Variants in SNAPC4 observed in about 807,000 individuals in gnomAD.
The protein encoded by SNAPC4 is snRNA-activating protein complex subunit 4.
Under a neutral mutation model 151.3 loss-of-function variants are expected in SNAPC4, and 127 were observed. That is an observed-to-expected ratio of 0.84 (90% CI 0.73 to 0.97). The LOEUF (loss-of-function observed/expected upper bound fraction) is 0.97. Ranked by LOEUF, SNAPC4 falls within the 50% of genes least tolerant of loss-of-function variation. The pLI, the probability that SNAPC4 is intolerant of heterozygous loss-of-function variation, is 0.00. For synonymous variants in SNAPC4, 1,002 were observed against 824.4 expected (o/e 1.22, Z -3.69); for missense variants, 2,186 against 1,935.0 (o/e 1.13, Z -2.43).
Position 136,395,691 on chromosome 9 carries a change from C to T in SNAPC4, c.257G>A (p.Cys86Tyr), listed in dbSNP as rs1834243723. 1.2e-6 allele frequency: 2 copies of T among 1,613,460 alleles called. No homozygotes were observed. The highest frequency in any genetic ancestry group is 2.2e-5 in the East Asian group (1 of 44,886). ...DKTLPEDPET[C>Y]LQLNMVYQEV... The stretch of plus-strand genomic sequence containing the variant: ...CTGGTAGACCATGTTCAGCTGCAGG[C>T]AGGTTTCTGGGTCTTCAGGGAGGGT... The change falls in exon 4 of 24, where the codon TGC (cysteine) becomes TAC (tyrosine). Residue 86 changes from cysteine (C) to tyrosine (Y), a missense_variant. Physicochemically the swap from Cys to Tyr is radical, Grantham distance 194. Coordinates refer to ENST00000684778, the MANE Select transcript of SNAPC4 (RefSeq NM_003086.4).
chr9:136,387,344 G>A (rs1833923273), intron 13 of SNAPC4, 141 bp downstream of exon 13: 2 of 708,442 alleles, frequency 2.8e-6, no homozygotes, highest in East Asian at 2.5e-5. Flanking sequence ...ACACCAGAGT[G>A]CACCTGGTCA....
rs76247268 is a variant in SNAPC4 at position 136,378,206 on chromosome 9, T to G, written c.3621A>C (p.Pro1207=). 1 of 1,612,142 alleles carries G rather than the reference T, an allele frequency of 6.2e-7. No individual in the cohort carries two copies. The stretch of plus-strand genomic sequence containing the variant: ...TTGCTGGGATGACACCACCGAAGGC[T>G]GGCAGCCTCCCGGACCAAGGGGGTT... ...EAEPPWSGRL[P]AFGGVIPATE... Residue 1207 remains proline (P), a synonymous_variant, in exon 22 of 24, where the codon CCA becomes CCC. Coordinates refer to ENST00000684778, the MANE Select transcript of SNAPC4 (RefSeq NM_003086.4).
At chr9:136,392,422 G>T in intron 9 of SNAPC4, 100 bp downstream of exon 9, 1 of 1,186,136 alleles carries the variant, frequency 8.4e-7, no homozygotes, top group Non-Finnish European at 1.2e-6. Flanking sequence ...AGAACCTGTT[G>T]CCAGGGAGGG....
rs1429032838 is a variant in SNAPC4 at position 136,377,908 on chromosome 9, C to T, written c.3919G>A (p.Ala1307Thr). The T allele has an allele frequency of 3.1e-6, 5 of 1,610,972 alleles. No homozygotes were observed. In the East Asian group the frequency reaches 8.9e-5, roughly 29 times the overall value. The part of the protein sequence containing the change: ...LGSRLPYQPP[A>T]LCSLRALSGL... ...GACAGAGCTCGCAGGCTGCACAGGG[C>T]TGGGGGCTGATAGGGCAGTCTGCTG... The change falls in exon 22 of 24, where the codon GCC (alanine) becomes ACC (threonine). Residue 1307 changes from alanine (A) to threonine (T), a missense_variant. Ala to Thr is a moderately conservative substitution (Grantham distance 58). Transcript: ENST00000684778.
rs1833785117 is a variant in SNAPC4 at position 136,383,582 on chromosome 9, G to A, written c.1587C>T (p.Gly529=). The change falls in exon 16 of 24, where the codon GGC becomes GGT. Residue 529 remains glycine (G), a synonymous_variant. Transcript: ENST00000684778. The surrounding 1 kb of genome is among the most constrained non-coding windows in gnomAD (Gnocchi z 4.2). ...TGCTGCTGCTGCTCCCTCCACTGCT[G>A]CCACTGCTGCTGCCGCTGCTGCTGG... ...SSTSSSGSSS[G]SSGGSSSSSS... is the part of the protein sequence containing the mutation. 6.2e-7 allele frequency: 1 copy of A among 1,609,582 alleles called. No homozygotes were observed. Among genetic ancestry groups the A allele is most frequent in the East Asian group, 2.2e-5 (1 of 44,830 alleles).
Position 136,378,079 on chromosome 9 carries a change from C to G in SNAPC4, c.3748G>C (p.Gly1250Arg), listed in dbSNP as rs1445159296. Residue 1250 changes from glycine to arginine, a missense_variant, in exon 22 of 24, where the codon GGG (glycine) becomes CGG (arginine). Physicochemically the swap from Gly to Arg is moderately radical, Grantham distance 125. Coordinates refer to ENST00000684778, the MANE Select transcript of SNAPC4 (RefSeq NM_003086.4). ...LPLRQPGPEK[G>R]ALDLEKPPLP... The stretch of plus-strand genomic sequence containing the variant: ...GGCGGCTTCTCCAGGTCCAGGGCCC[C>G]CTTCTCAGGCCCAGGCTGGCGCAGG... 2 of 1,580,676 alleles carry G rather than the reference C, an allele frequency of 1.3e-6. No homozygotes were observed. The highest frequency in any genetic ancestry group is 2.7e-5 in the African/African-American group (2 of 74,068).
chr9:136,376,865 C>G (rs1833465232), intron 22 of SNAPC4, among the ~76,000 whole-genome samples: 1 of 152,184 alleles, frequency 6.6e-6, no homozygotes, highest in South Asian at 2.1e-4. Flanking sequence ...GAGACACAAC[C>G]CTGGGGAGAG....
Position 136,383,254 on chromosome 9 carries a change from G to C in SNAPC4, c.1915C>G (p.Pro639Ala). Residue 639 changes from proline to alanine, a missense_variant, in exon 16 of 24, where the codon CCG (proline) becomes GCG (alanine). By Grantham distance (27) the Pro-to-Ala change is conservative. Transcript: ENST00000684778. This position sits in a 1 kb window ranked among gnomAD's most constrained non-coding sequence, Gnocchi z 4.2. Reference sequence around the variant, plus strand: ...GAGTGGGAGGCCTGGGCAGACCTCGGGACAGGGCCGTGGGCCCTGGCAGGG... The same window carrying C: ...GAGTGGGAGGCCTGGGCAGACCTCGCGACAGGGCCGTGGGCCCTGGCAGGG... ...QVPARAHGPV[P>A]RSAQASHSAD... 1 of 1,607,026 alleles carries C rather than the reference G, an allele frequency of 6.2e-7. No individual in the cohort carries two copies. Among genetic ancestry groups the C allele is most frequent in the Non-Finnish European group, 8.5e-7 (1 of 1,177,050 alleles).
Position 136,383,978 on chromosome 9 carries a change from A to G in SNAPC4, c.1475T>C (p.Leu492Pro). 6.2e-7 allele frequency: 1 copy of G among 1,613,736 alleles called. No individual in the cohort carries two copies. The highest frequency in any genetic ancestry group is 8.5e-7 in the Non-Finnish European group (1 of 1,179,954). Residue 492 changes from leucine (L) to proline (P), a missense_variant, in exon 15 of 24, where the codon CTG (leucine) becomes CCG (proline). Leu to Pro is a moderately conservative substitution (Grantham distance 98). Transcript: ENST00000684778. This position sits in a 1 kb window ranked among gnomAD's most constrained non-coding sequence, Gnocchi z 4.2. ...ELPHRSGSQC[L>P]SKWKIMMGKK... ...CCCCATCATGATCTTCCACTTGCTCAGACACTGGGAGCCAGACCGATGGGG... is the reference window on the plus strand; with the variant it reads ...CCCCATCATGATCTTCCACTTGCTCGGACACTGGGAGCCAGACCGATGGGG...
rs1834338995 is a variant in SNAPC4, at chr9:136,398,149, G to A, written c.130+150C>T. On this transcript the variant is annotated intron_variant, in intron 2 of 23. Coordinates refer to ENST00000684778, the MANE Select transcript of SNAPC4 (RefSeq NM_003086.4). ...ACATGAACTCCTGGGATCAAACAATGCTCTCACCTCAGCCTCAGGAGTCCC... is the reference window on the plus strand; with the variant it reads ...ACATGAACTCCTGGGATCAAACAATACTCTCACCTCAGCCTCAGGAGTCCC... 6 of 661,824 alleles carry A rather than the reference G, an allele frequency of 9.1e-6. No individual in the cohort carries two copies. The Admixed American group carries it at 1.8e-4, about 20-fold the overall frequency. The allele number at this position is 661,824 out of a possible 1,614,324, so 41.0% of individuals were successfully genotyped here. A position where few individuals can be genotyped will look rare whatever the true frequency, so the allele number is the denominator to read the frequency against.
In SNAPC4 at chr9:136,379,017, G is replaced by C; in HGVS notation, c.2810C>G (p.Pro937Arg). 1 of 1,604,374 alleles carries C rather than the reference G, an allele frequency of 6.2e-7. No homozygotes were observed. Among genetic ancestry groups the C allele is most frequent in the Non-Finnish European group, 8.5e-7 (1 of 1,176,478 alleles). The change falls in exon 22 of 24, where the codon CCA becomes CGA. Residue 937 changes from proline to arginine, a missense_variant. Pro to Arg is a moderately radical substitution (Grantham distance 103, BLOSUM62 -2). Transcript: ENST00000684778. ...GGGACCCGGGGCTGGGCGGCCGTGT[G>C]GGGTGTGTGGTAGAGGGGGCTGGAG... is the stretch of plus-strand genomic sequence containing the variant. ...VILQPPLPHT[P>R]HGRPAPGPTV... is the part of the protein sequence containing the mutation.
chr9:136,379,307 G>A lies in SNAPC4; in HGVS notation c.2528-8C>T, dbSNP rs754563945. On this transcript the variant is annotated splice_region_variant and splice_polypyrimidine_tract_variant and intron_variant, in intron 21 of 23. Coordinates refer to ENST00000684778, the MANE Select transcript of SNAPC4 (RefSeq NM_003086.4). ...CGTTTGGGAAGAGGTGGCCTGTGGG[G>A]AGGAAAGACCCACACTTGATAAGCC... 4 of 1,612,128 alleles carry A rather than the reference G, an allele frequency of 2.5e-6. No homozygotes were observed. Among genetic ancestry groups the A allele is most frequent in the East Asian group, 2.2e-5 (1 of 44,868 alleles).
chr9:136,377,641 C>T lies in SNAPC4; in HGVS notation c.4186G>A (p.Val1396Met). The stretch of plus-strand genomic sequence containing the variant: ...TCTTCATCCTCACTCTCAGAGCCCA[C>T]CCTCGAAGGTACTGAGAGGGTGGTG... ...VRTTLSVPSR[V>M]GSESEDEDLL... The change falls in exon 22 of 24, where the codon GTG becomes ATG. Residue 1396 changes from valine to methionine, a missense_variant. Coordinates refer to ENST00000684778, the MANE Select transcript of SNAPC4 (RefSeq NM_003086.4). 3.8e-6 allele frequency: 6 copies of T among 1,589,844 alleles called. No homozygotes were observed. The highest frequency in any genetic ancestry group is 5.1e-6 in the Non-Finnish European group (6 of 1,166,142).
Position 136,388,599 on chromosome 9 carries a change from G to A in SNAPC4, c.976-8C>T, listed in dbSNP as rs760215629. 5.6e-6 allele frequency: 9 copies of A among 1,613,910 alleles called. No homozygotes were observed. Among genetic ancestry groups the A allele is most frequent in the Non-Finnish European group, 7.6e-6 (9 of 1,179,996 alleles). ...GAAGGCGCTGCGGCTGGTCTTCCCAGGCCCAAACAAAAGCAAATGAGTGTT... is the reference window on the plus strand; with the variant it reads ...GAAGGCGCTGCGGCTGGTCTTCCCAAGCCCAAACAAAAGCAAATGAGTGTT... On this transcript the variant is annotated splice_polypyrimidine_tract_variant and splice_region_variant and intron_variant, in intron 10 of 23. Coordinates refer to ENST00000684778, the MANE Select transcript of SNAPC4 (RefSeq NM_003086.4).
At chr9:136,394,354 C>T (rs1834186152) in intron 6 of SNAPC4, 24 bp from the exon 7 acceptor site, 3 of 1,594,364 alleles carry the variant, frequency 1.9e-6, no homozygotes. Context: ...ACAGCATCAT[C>T]ACTGGGGGTC....
chr9:136,382,906 G>C (rs538321306), intron 16 of SNAPC4, among the ~76,000 whole-genome samples: 6 of 152,266 alleles, frequency 3.9e-5, no homozygotes, highest in Admixed American at 2.0e-4. Flanking sequence ...TGCTGCCTCT[G>C]CCCTCCCCAA....
chr9:136,384,940 A>G lies in SNAPC4; in HGVS notation c.1326-126T>C. ...CGCAAGCAACAAAAGAAAACTACAG[A>G]TAAAGTAGACTTCATCAAAAGCTAA... On this transcript the variant is annotated intron_variant, in intron 13 of 23. Coordinates refer to ENST00000684778, the MANE Select transcript of SNAPC4 (RefSeq NM_003086.4). The G allele has an allele frequency of 5.5e-6, 3 of 547,258 alleles. No homozygotes were observed. In the East Asian group the frequency reaches 9.3e-5, roughly 17 times the overall value. The allele number at this position is 547,258 out of a possible 1,614,324, so 33.9% of individuals were successfully genotyped here.
At chr9:136,399,932 G>A (rs1052601048) in intron 1 of SNAPC4, among the ~76,000 whole-genome samples, 5 of 152,074 alleles carry the variant, frequency 3.3e-5, no homozygotes, top group South Asian at 2.1e-4. Flanking sequence ...CCAGCCGAGG[G>A]GCTCCCAGGG....
At chr9:136,392,158 C>G (rs1461019207) in intron 9 of SNAPC4, 52 bp from the exon 10 acceptor site, 2 of 1,599,666 alleles carry the variant, frequency 1.3e-6, no homozygotes, top group Non-Finnish European at 1.7e-6. Context: ...CAGGGGCACC[C>G]TAGACGCAGC....
Sources: gnomAD v4.1 joint callset for allele counts (sites outside exome capture counted in the v4.1 genomes callset) on GRCh38, gnomAD v4.1.1 for gene constraint, Gnocchi (gnomAD v3.1) non-coding constraint, MANE v1.5 for transcripts, NCBI Gene and HGNC (gene_info 2026-07-23, HGNC 2026-07-21) for gene names.